VPS13B: variants seen among roughly 807,000 people sequenced by gnomAD.
VPS13B encodes the protein vacuolar protein sorting 13 homolog B, also known as intermembrane lipid transfer protein VPS13B.
In VPS13B, 285 loss-of-function variants were observed where a neutral mutation model predicts 426.4. That is an observed-to-expected ratio of 0.67 (90% CI 0.61 to 0.74). The LOEUF (loss-of-function observed/expected upper bound fraction) is 0.74, where lower values mean the gene tolerates loss of function less well. VPS13B is among the 30% of genes least tolerant of loss of function. VPS13B has a pLI of 0.00. For synonymous variants in VPS13B, 1,676 were observed against 1,676.4 expected (o/e 1.00, Z 0.01); for missense variants, 4,537 against 4,782.6 (o/e 0.95, Z 1.51).
At chr8:99,237,901 A>G (rs1371733675) in intron 17 of VPS13B, among the ~76,000 whole-genome samples, 2 of 151,502 alleles carry the variant, frequency 1.3e-5, no homozygotes, top group Admixed American at 6.6e-5. Flanking sequence ...AAGAATGGCA[A>G]ACTCCTTCTG....
rs1348314962 is a variant in VPS13B, at chr8:99,442,411, A to G, written c.3221A>G (p.Gln1074Arg). ...GCTTTTCTTTTCTAGCTTGAAGTAC[A>G]ATCTTGTTGTGTGTTTATTCCAAAT... ...VKHLTLQLEV[Q>R]SCCVFIPNDS... is the part of the protein sequence containing the mutation. Residue 1074 changes from glutamine (Q) to arginine (R), a missense_variant, in exon 23 of 62, where the codon CAA becomes CGA. This residue lies in a region of VPS13B where 4,311 missense variants were observed against 4,474.3 expected (regional missense o/e 0.96). Transcript: ENST00000357162. 1.2e-6 allele frequency: 2 copies of G among 1,613,688 alleles called. No homozygotes were observed. Among genetic ancestry groups the G allele is most frequent in the Non-Finnish European group, 1.7e-6 (2 of 1,179,660 alleles).
chr8:99,267,130 A>G (rs1818348862), intron 17 of VPS13B, among the ~76,000 whole-genome samples: 1 of 152,212 alleles, frequency 6.6e-6, no homozygotes, highest in African/African-American at 2.4e-5. Flanking sequence ...AAAGTTTGGA[A>G]CTTCCTAGAG....
chr8:99,650,580 T>G (rs552391191), intron 34 of VPS13B, among the ~76,000 whole-genome samples: 17 of 152,348 alleles, frequency 1.1e-4, no homozygotes, highest in African/African-American at 3.8e-4. Flanking sequence ...TACTGTTTTT[T>G]CCTACACATA....
chr8:99,291,313 T>C (rs1368164872), intron 19 of VPS13B, among the ~76,000 whole-genome samples: 1 of 152,098 alleles, frequency 6.6e-6, no homozygotes, highest in Non-Finnish European at 1.5e-5. Context: ...TTTAGGGTAA[T>C]AGAAGCAATA....
intron 19 of VPS13B, among the ~76,000 whole-genome samples, chr8:99,337,693 GTT>G (rs1277947948): frequency 6.6e-6 from 1 of 151,866 alleles, no homozygotes; most frequent in Non-Finnish European, 1.5e-5. Context: ...TCATAACAAT[GTT>G]TTACAAAGAA....
chr8:99,627,446 C>T (rs1448957398), intron 33 of VPS13B, among the ~76,000 whole-genome samples: 2 of 151,918 alleles, frequency 1.3e-5, no homozygotes, highest in Non-Finnish European at 2.9e-5. Context: ...GGTGGAATCT[C>T]GCTCTGTCTC....
At chr8:99,314,039 T>C (rs1292140080) in intron 19 of VPS13B, among the ~76,000 whole-genome samples, 1 of 151,666 alleles carries the variant, frequency 6.6e-6, no homozygotes, top group Non-Finnish European at 1.5e-5. Flanking sequence ...AGGGTGGGAG[T>C]GTCCTGATTT....
intron 19 of VPS13B, among the ~76,000 whole-genome samples, chr8:99,294,603 C>G (rs1588216922): frequency 6.6e-6 from 1 of 151,872 alleles, no homozygotes; most frequent in African/African-American, 2.4e-5. Context: ...TATGGCATAG[C>G]TAAGACAAGA....
intron 17 of VPS13B, among the ~76,000 whole-genome samples, chr8:99,262,933 T>C (rs184115451): frequency 9.2e-4 from 140 of 152,124 alleles, no homozygotes; most frequent in African/African-American, 3.3e-3. Flanking sequence ...TCACCATGCC[T>C]GGCTAATTTT....
chr8:99,430,130 C>T (rs969143065), intron 21 of VPS13B, among the ~76,000 whole-genome samples: 4 of 152,020 alleles, frequency 2.6e-5, no homozygotes, highest in African/African-American at 7.2e-5. Context: ...ACTTTATTTA[C>T]AATTTCTGAT....
intron 35 of VPS13B, chr8:99,696,483 C>T (rs550037771): frequency 2.2e-5 from 9 of 403,426 alleles, no homozygotes; most frequent in East Asian, 5.8e-5. Flanking sequence ...CGACCTCCTC[C>T]GCTTGGTGCC....
chr8:99,743,448 T>G (rs1341636576), intron 39 of VPS13B, among the ~76,000 whole-genome samples: 1 of 151,992 alleles, frequency 6.6e-6, no homozygotes, highest in Admixed American at 6.6e-5. Flanking sequence ...CCAATGACTT[T>G]CTTCACAGAA....
chr8:99,317,324 A>G (rs1041693974), intron 19 of VPS13B, among the ~76,000 whole-genome samples: 4 of 152,202 alleles, frequency 2.6e-5, no homozygotes, highest in African/African-American at 9.7e-5. Context: ...TGATTAAATC[A>G]GGGTAATTAG....
intron 35 of VPS13B, among the ~76,000 whole-genome samples, chr8:99,666,385 T>TG (rs1170746577): frequency 6.6e-6 from 1 of 152,158 alleles, no homozygotes; most frequent in Non-Finnish European, 1.5e-5. Context: ...ATATCCTTGA[T>TG]GAACATCGAT....
intron 19 of VPS13B, among the ~76,000 whole-genome samples, chr8:99,361,054 A>G (rs1308413195): frequency 4.6e-5 from 7 of 152,222 alleles, no homozygotes; most frequent in African/African-American, 9.6e-5. Flanking sequence ...CTTGATATGT[A>G]TAGTAACTTT....
chr8:99,390,945 A>G (rs1198634794), intron 20 of VPS13B, among the ~76,000 whole-genome samples: 2 of 152,106 alleles, frequency 1.3e-5, no homozygotes, highest in African/African-American at 2.4e-5. Context: ...GGATCATAAT[A>G]TTTTCCAGCT....
intron 3 of VPS13B, among the ~76,000 whole-genome samples, chr8:99,041,058 G>T (rs1842943925): frequency 6.6e-6 from 1 of 152,126 alleles, no homozygotes. Flanking sequence ...AGTGGTCATG[G>T]TTTTAATATA....
chr8:99,619,420 G>GT (rs1828256260), intron 33 of VPS13B, among the ~76,000 whole-genome samples: 1 of 152,148 alleles, frequency 6.6e-6, no homozygotes, highest in Non-Finnish European at 1.5e-5. Context: ...CAATTGTCTT[G>GT]TTTTTTCCTC....
rs200480990 is a variant in VPS13B, at chr8:99,427,195, C to G, written c.3083-4342C>G. ...AATCCTTTCCCCATTGCTTGTTTTT[C>G]TCAGGTTTGTCAAAGATCAGATAGT... On this transcript the variant is annotated intron_variant, in intron 21 of 61. Coordinates refer to ENST00000357162, the MANE Select transcript of VPS13B (RefSeq NM_152564.5). Among the ~76,000 whole-genome samples, 36 of 70,200 alleles carry G rather than the reference C, an allele frequency of 5.1e-4. 2 individuals carry two copies. In the East Asian group the frequency reaches 0.011, roughly 21 times the overall value. 46.1% of individuals were successfully genotyped at this position (70,200 alleles called of 152,430 possible).
Sources: gnomAD v4.1 joint callset for allele counts (sites outside exome capture counted in the v4.1 genomes callset) on GRCh38, gnomAD v4.1.1 for gene constraint, gnomAD v4.1.1 regional missense constraint, MANE v1.5 for transcripts, NCBI Gene and HGNC (gene_info 2026-07-23, HGNC 2026-07-21) for gene names.